MAN2A1: variants seen among roughly 807,000 people sequenced by gnomAD.
MAN2A1 encodes alpha-mannosidase 2.
A neutral mutation model predicts 142.6 loss-of-function variants in MAN2A1; 76 were observed. The ratio of observed to expected loss-of-function variants is 0.53; its 90% CI spans 0.44 to 0.65. MAN2A1 has a LOEUF of 0.65. Among genes scored for constraint, MAN2A1 ranks in the 30% least tolerant of loss-of-function variants. The pLI is 0.00. For missense variants in MAN2A1, 1,311 were observed against 1,365.1 expected, an observed-to-expected ratio of 0.96 and a Z score of 0.62; for synonymous variants, 559 against 473.2, an observed-to-expected ratio of 1.18 and a Z score of -2.35.
At chr5:109,780,544 G>GTA (rs1753429080) in intron 8 of MAN2A1, among the ~76,000 whole-genome samples, 5 of 142,406 alleles carry the variant, frequency 3.5e-5, no homozygotes, top group Admixed American at 2.8e-4. Context: ...GTGTGTGTGT[G>GTA]TGTGTATGTG....
intron 2 of MAN2A1, among the ~76,000 whole-genome samples, chr5:109,715,282 G>T (rs895552180): frequency 1.3e-5 from 2 of 151,690 alleles, no homozygotes; most frequent in Admixed American, 1.3e-4. Context: ...CATATAATTT[G>T]TTTGGCCTTT....
chr5:109,762,995 G>C (rs545958784), intron 5 of MAN2A1, among the ~76,000 whole-genome samples: 1 of 152,328 alleles, frequency 6.6e-6, no homozygotes, highest in African/African-American at 2.4e-5. Context: ...CAAAAAGTAG[G>C]TTGGTTATTT....
intron 8 of MAN2A1, among the ~76,000 whole-genome samples, chr5:109,779,675 A>G (rs1364557386): frequency 6.6e-6 from 1 of 152,086 alleles, no homozygotes. Context: ...TTTGCTGTAA[A>G]TTGCTTAAAG....
chr5:109,799,229 AC>A (rs779584336), intron 12 of MAN2A1, among the ~76,000 whole-genome samples: 9 of 151,610 alleles, frequency 5.9e-5, no homozygotes, highest in Non-Finnish European at 8.8e-5. Flanking sequence ...TTAGCTCAAA[AC>A]CCTTCTTTTT....
intron 16 of MAN2A1, among the ~76,000 whole-genome samples, chr5:109,838,522 C>T (rs1037116290): frequency 2.0e-5 from 3 of 152,134 alleles, no homozygotes; most frequent in Admixed American, 6.5e-5. Flanking sequence ...GAAGTTCTCC[C>T]TTCCATTTCA....
intron 4 of MAN2A1, among the ~76,000 whole-genome samples, chr5:109,730,016 A>G (rs1751859994): frequency 6.6e-6 from 1 of 152,030 alleles, no homozygotes; most frequent in Non-Finnish European, 1.5e-5. Flanking sequence ...CTATGTTACA[A>G]CTTTGTCCCA....
intron 12 of MAN2A1, among the ~76,000 whole-genome samples, chr5:109,793,163 T>C (rs1344145437): frequency 1.3e-5 from 2 of 152,216 alleles, no homozygotes; most frequent in Admixed American, 6.5e-5. Context: ...ATACCTTTCA[T>C]GTACGGAGTA....
intron 3 of MAN2A1, among the ~76,000 whole-genome samples, chr5:109,720,161 A>G (rs1008024959): frequency 6.6e-6 from 1 of 152,172 alleles, no homozygotes; most frequent in Non-Finnish European, 1.5e-5. Context: ...GTGTGTGGAG[A>G]GAAGATAAGG....
In MAN2A1 at chr5:109,739,003, G is replaced by A. The variant is rs1238952418; in HGVS notation, c.707+9490G>A. Among the ~76,000 whole-genome samples, 3 of 151,830 alleles carry A rather than the reference G, an allele frequency of 2.0e-5. No homozygotes were observed. The East Asian group carries it at 5.8e-4, about 29-fold the overall frequency. On this transcript the variant is annotated intron_variant, in intron 4 of 21. Transcript: ENST00000261483. ...GACTACAGGCGCACACCACCACGGT[G>A]GCTCATTTTTGTATTTTTTGTAGAG...
intron 7 of MAN2A1, among the ~76,000 whole-genome samples, chr5:109,772,668 G>A (rs1242625011): frequency 3.3e-5 from 5 of 151,944 alleles, no homozygotes; most frequent in African/African-American, 9.7e-5. Flanking sequence ...CACAATGCTC[G>A]ACTAATTGTT....
At chr5:109,838,514 A>C (rs1755116185) in intron 16 of MAN2A1, among the ~76,000 whole-genome samples, 1 of 152,206 alleles carries the variant, frequency 6.6e-6, no homozygotes, top group South Asian at 2.1e-4. Context: ...CTTCCTGGGA[A>C]GTTCTCCCTT....
intron 5 of MAN2A1, among the ~76,000 whole-genome samples, chr5:109,755,757 G>C (rs1209609517): frequency 6.6e-6 from 1 of 151,416 alleles, no homozygotes; most frequent in Admixed American, 6.6e-5. Context: ...ACCTAATTAT[G>C]GTAGCTTAAG....
intron 4 of MAN2A1, among the ~76,000 whole-genome samples, chr5:109,741,343 A>G (rs1292780586): frequency 6.6e-6 from 1 of 152,070 alleles, no homozygotes; most frequent in African/African-American, 2.4e-5. Flanking sequence ...CCCCCCACTT[A>G]CTTGAACAAA....
intron 17 of MAN2A1, among the ~76,000 whole-genome samples, chr5:109,843,553 T>C (rs1434752155): frequency 1.3e-5 from 2 of 152,188 alleles, no homozygotes; most frequent in Admixed American, 1.3e-4. Flanking sequence ...TAATGGGCCC[T>C]TGTAAATTTC....
intron 21 of MAN2A1, among the ~76,000 whole-genome samples, chr5:109,865,634 G>A (rs542929846): frequency 2.0e-4 from 31 of 152,340 alleles, no homozygotes; most frequent in African/African-American, 6.7e-4. Flanking sequence ...GCAGCTGTAC[G>A]TAGCGCCAAT....
intron 8 of MAN2A1, among the ~76,000 whole-genome samples, chr5:109,777,901 C>T (rs1329043860): frequency 2.0e-5 from 3 of 152,048 alleles, no homozygotes; most frequent in African/African-American, 7.2e-5. Flanking sequence ...ACTCTCTATT[C>T]ACTTTTATTG....
chr5:109,717,514 TG>T (rs1391672660), intron 3 of MAN2A1, among the ~76,000 whole-genome samples: 2 of 152,340 alleles, frequency 1.3e-5, no homozygotes, highest in East Asian at 1.9e-4. Context: ...CCTTCTGACT[TG>T]ATTTCCCTAT....
intron 5 of MAN2A1, among the ~76,000 whole-genome samples, chr5:109,759,304 TTTTG>T (rs1377382806): frequency 3.3e-5 from 5 of 152,278 alleles, no homozygotes. Context: ...TTCCTAGGCA[TTTTG>T]TTTGTTTTAC....
chr5:109,707,785 C>T (rs1751178217), intron 1 of MAN2A1, among the ~76,000 whole-genome samples: 2 of 152,140 alleles, frequency 1.3e-5, no homozygotes, highest in African/African-American at 4.8e-5. Context: ...ATATTCAGTC[C>T]TTACTGACTG....
Sources: gnomAD v4.1 joint callset for allele counts (sites outside exome capture counted in the v4.1 genomes callset) on GRCh38, gnomAD v4.1.1 for gene constraint, MANE v1.5 for transcripts, NCBI Gene and HGNC (gene_info 2026-07-23, HGNC 2026-07-21) for gene names.